KANK1: variants seen among roughly 807,000 people sequenced by gnomAD.
KANK1 encodes the protein KN motif and ankyrin repeat domains 1, also known as KN motif and ankyrin repeat domain-containing protein 1.
Under a neutral mutation model 106.2 loss-of-function variants are expected in KANK1, and 109 were observed. The ratio of observed to expected loss-of-function variants is 1.03; its 90% CI spans 0.88 to 1.20. The LOEUF is 1.20. Among genes scored for constraint, KANK1 ranks in the 50% most tolerant of loss-of-function variants. The pLI, the probability that KANK1 is intolerant of heterozygous loss-of-function variation, is 0.00. For missense variants in KANK1, 2,399 were observed against 1,710.7 expected, an observed-to-expected ratio of 1.40 and a Z score of -7.10; for synonymous variants, 873 against 652.2, an observed-to-expected ratio of 1.34 and a Z score of -5.16.
In KANK1 at chr9:525,116, TC is replaced by T. The variant is rs1401372871; in HGVS notation, c.-84+20365del. ...TTCAAGCCATTCTCCTGCCTCAGCC[TC>T]CCAAGTAGCTGGGACTACAGGCATG... On this transcript the variant is annotated intron_variant, in intron 1 of 11. Coordinates refer to ENST00000382297, the MANE Select transcript of KANK1 (RefSeq NM_015158.5). Among the ~76,000 whole-genome samples the T allele has an allele frequency of 2.0e-5, 3 of 148,374 alleles. No homozygotes were observed. The East Asian group carries it at 6.3e-4, about 31-fold the overall frequency.
upstream of KANK1, among the ~76,000 whole-genome samples, chr9:502,112 C>G (rs1421218269): frequency 6.6e-6 from 1 of 152,102 alleles, no homozygotes; most frequent in Non-Finnish European, 1.5e-5. Context: ...TTGTTATGTT[C>G]CTAGTTATAT....
At chr9:611,517 A>G (rs1421608654) in intron 1 of KANK1, among the ~76,000 whole-genome samples, 1 of 152,174 alleles carries the variant, frequency 6.6e-6, no homozygotes, top group African/African-American at 2.4e-5. Context: ...GCTGAATCCA[A>G]ACAAGCCACT....
At chr9:599,477 C>T (rs1827174272) in intron 1 of KANK1, among the ~76,000 whole-genome samples, 1 of 151,714 alleles carries the variant, frequency 6.6e-6, no homozygotes, top group African/African-American at 2.4e-5. Flanking sequence ...TACAAACATA[C>T]TTTCTTACTG....
chr9:620,850 T>C (rs1427310018), intron 1 of KANK1, among the ~76,000 whole-genome samples: 2 of 152,138 alleles, frequency 1.3e-5, no homozygotes, highest in East Asian at 3.8e-4. Flanking sequence ...AGAAATAACA[T>C]CTCTTTTAAA....
intron 1 of KANK1, among the ~76,000 whole-genome samples, chr9:635,927 A>G (rs6477062): frequency 0.51 from 76,877 of 151,672 alleles, 20,138 homozygotes; most frequent in African/African-American, 0.62. Context: ...CACCTGCATC[A>G]GCCTCCCAAA....
upstream of KANK1, among the ~76,000 whole-genome samples, chr9:503,413 G>A (rs766192583): frequency 6.6e-6 from 1 of 152,132 alleles, no homozygotes; most frequent in Non-Finnish European, 1.5e-5. Flanking sequence ...ATATCTTCCG[G>A]CTGCCCTTTG....
At chr9:533,289 A>G (rs1365706437) in intron 1 of KANK1, among the ~76,000 whole-genome samples, 1 of 152,226 alleles carries the variant, frequency 6.6e-6, no homozygotes, top group Non-Finnish European at 1.5e-5. Context: ...AGCCTAGGTT[A>G]AGAGCATTAG....
rs539631942 is a variant in KANK1 at position 528,910 on chromosome 9, C to G, written c.-84+24156C>G. ...GACCTCCTGGGCTTAAGCAATCATCCCACCTCAGCCTCCCGAGTAGCTGGG... is the reference window on the plus strand; with the variant it reads ...GACCTCCTGGGCTTAAGCAATCATCGCACCTCAGCCTCCCGAGTAGCTGGG... On this transcript the variant is annotated intron_variant, in intron 1 of 11. Coordinates refer to ENST00000382297, the MANE Select transcript of KANK1 (RefSeq NM_015158.5). Among the ~76,000 whole-genome samples, 3 of 152,196 alleles carry G rather than the reference C, an allele frequency of 2.0e-5. No individual in the cohort carries two copies. The East Asian group carries it at 5.8e-4, about 29-fold the overall frequency.
At chr9:552,108 G>T (rs528715596) in intron 1 of KANK1, among the ~76,000 whole-genome samples, 2 of 152,150 alleles carry the variant, frequency 1.3e-5, no homozygotes, top group Non-Finnish European at 2.9e-5. Flanking sequence ...GCCTAGGCAA[G>T]TACGGCATTC....
upstream of KANK1, among the ~76,000 whole-genome samples, chr9:500,371 C>G (rs144433375): frequency 2.5e-4 from 38 of 152,312 alleles, 1 homozygote; most frequent in East Asian, 6.9e-3. Context: ...TGGAAACTGG[C>G]TTTAATGTAA....
At chr9:727,463 C>G (rs1830999772) in intron 3 of KANK1, among the ~76,000 whole-genome samples, 1 of 151,950 alleles carries the variant, frequency 6.6e-6, no homozygotes, top group African/African-American at 2.4e-5. Context: ...ATTACAGGCA[C>G]TCACCACCAT....
chr9:630,979 G>C (rs1489665229), intron 1 of KANK1, among the ~76,000 whole-genome samples: 1 of 152,054 alleles, frequency 6.6e-6, no homozygotes, highest in Non-Finnish European at 1.5e-5. Flanking sequence ...AACAAAAAGT[G>C]CTTAGTCAAT....
At chr9:661,158 G>T (rs1263077309) in intron 1 of KANK1, among the ~76,000 whole-genome samples, 1 of 152,098 alleles carries the variant, frequency 6.6e-6, no homozygotes, top group East Asian at 1.9e-4. Context: ...AAGTTCTAGG[G>T]TACATGTGCA....
chr9:613,799 A>C (rs988688556), intron 1 of KANK1, among the ~76,000 whole-genome samples: 1 of 151,308 alleles, frequency 6.6e-6, no homozygotes, highest in African/African-American at 2.4e-5. Context: ...TTCTGTTGTA[A>C]AAAAGACTGT....
intron 3 of KANK1, among the ~76,000 whole-genome samples, chr9:714,905 A>G (rs572451898): frequency 6.6e-6 from 1 of 152,268 alleles, no homozygotes; most frequent in South Asian, 2.1e-4. Flanking sequence ...CTGGCTCTCC[A>G]ATTCTCATGA....
chr9:560,726 C>G (rs1327834155), intron 1 of KANK1, among the ~76,000 whole-genome samples: 1 of 151,896 alleles, frequency 6.6e-6, no homozygotes, highest in African/African-American at 2.4e-5. Flanking sequence ...AAATTTGTGT[C>G]TATCCCATTG....
upstream of KANK1, among the ~76,000 whole-genome samples, chr9:501,516 C>A (rs1025635182): frequency 9.2e-5 from 14 of 152,100 alleles, 1 homozygote; most frequent in East Asian, 2.7e-3. Flanking sequence ...TAATTCTTTT[C>A]TTTCATATAT....
chr9:699,147 C>T (rs1001589252), intron 2 of KANK1, among the ~76,000 whole-genome samples: 12 of 152,164 alleles, frequency 7.9e-5, no homozygotes, highest in African/African-American at 2.7e-4. Flanking sequence ...CTTGAAGAAC[C>T]CTCCCTACCC....
chr9:693,207 T>C (rs1284772717), intron 2 of KANK1, among the ~76,000 whole-genome samples: 1 of 152,160 alleles, frequency 6.6e-6, no homozygotes, highest in Non-Finnish European at 1.5e-5. Flanking sequence ...TAATTATATG[T>C]TGCATTAAAT....
Sources: allele counts gnomAD v4.1 joint callset (sites outside exome capture counted in the v4.1 genomes callset), GRCh38; gene constraint gnomAD v4.1.1; transcripts MANE v1.5; gene names NCBI Gene and HGNC (gene_info 2026-07-23, HGNC 2026-07-21).